The following CEACAM3 variants were observed in gnomAD, a reference collection of about 807,000 sequenced individuals.
The protein encoded by CEACAM3 is CEA cell adhesion molecule 3.
Under a neutral mutation model 30.1 loss-of-function variants are expected in CEACAM3, and 32 were observed. The ratio of observed to expected loss-of-function variants is 1.06; its 90% CI spans 0.80 to 1.43. The LOEUF is 1.43. CEACAM3 is among the 40% of genes most tolerant of loss of function. The probability of loss-of-function intolerance (pLI) is 0.00; values close to 1 mark genes in which losing one functional copy is unlikely to be tolerated. For synonymous variants in CEACAM3, 134 were observed against 127.2 expected (o/e 1.05, Z -0.36); for missense variants, 290 against 316.3 (o/e 0.92, Z 0.63).
intron 2 of CEACAM3, among the ~76,000 whole-genome samples, chr19:41,806,005 T>TGG (rs1828905029): frequency 1.6e-4 from 7 of 43,382 alleles, no homozygotes; most frequent in African/African-American, 2.8e-4. Context: ...GTTGTTGTTG[T>TGG]TTGTTGTTGT....
intron 1 of CEACAM3, chr19:41,797,351 G>A (rs557275540): frequency 5.6e-6 from 3 of 536,190 alleles, no homozygotes; most frequent in African/African-American, 1.9e-5. Flanking sequence ...ATGTGAGCAG[G>A]ATCTGAGGGC....
chr19:41,799,200 G>A (rs1188968903), intron 2 of CEACAM3, among the ~76,000 whole-genome samples: 4 of 152,182 alleles, frequency 2.6e-5, no homozygotes, highest in Admixed American at 2.6e-4. Flanking sequence ...CTGGTGGGAG[G>A]CGATTGGATC....
chr19:41,796,869 A>G, intron 1 of CEACAM3, 128 bp downstream of exon 1: 1 of 911,800 alleles, frequency 1.1e-6, no homozygotes, highest in South Asian at 1.7e-5. Flanking sequence ...AGAGAACATC[A>G]GAGAGGGACA....
At position 41,810,306 on chromosome 19, in the gene CEACAM3, C is replaced by T. The variant is rs782616839; in HGVS notation, c.596-17C>T. On this transcript the variant is annotated splice_polypyrimidine_tract_variant and intron_variant, in intron 4 of 6. Coordinates refer to ENST00000357396, the MANE Select transcript of CEACAM3 (RefSeq NM_001815.5). Reference sequence around the variant, plus strand: ...CTCTCCTCCCACCCTGCTGCTCACTCCTGTCTCTGTTTCCAGGCCGTGGTC... The same window carrying T: ...CTCTCCTCCCACCCTGCTGCTCACTTCTGTCTCTGTTTCCAGGCCGTGGTC... The T allele has an allele frequency of 1.2e-6, 2 of 1,602,860 alleles. No homozygotes were observed. The highest frequency in any genetic ancestry group is 1.7e-6 in the Non-Finnish European group (2 of 1,175,126).
At chr19:41,804,837 C>CTT (rs782813487) in intron 2 of CEACAM3, among the ~76,000 whole-genome samples, 2 of 145,416 alleles carry the variant, frequency 1.4e-5, no homozygotes, top group African/African-American at 5.0e-5. Flanking sequence ...CCCCAAATTT[C>CTT]TTTTTTTTTT....
chr19:41,808,296 G>T (rs1555827076), intron 2 of CEACAM3, among the ~76,000 whole-genome samples: 1 of 152,134 alleles, frequency 6.6e-6, no homozygotes, highest in Non-Finnish European at 1.5e-5. Context: ...ACTTACTGAG[G>T]TGCTTTAAGT....
intron 2 of CEACAM3, chr19:41,807,310 T>C (rs1555826925): frequency 1.7e-5 from 27 of 1,608,310 alleles, no homozygotes; most frequent in Non-Finnish European, 2.3e-5. Flanking sequence ...TCACAAGGAA[T>C]GACACAGGAC....
intron 3 of CEACAM3, 195 bp from the exon 4 acceptor site, chr19:41,809,770 G>C: frequency 1.6e-6 from 1 of 625,470 alleles, no homozygotes; most frequent in Admixed American, 2.5e-5. Flanking sequence ...CTTCCCCTCT[G>C]CTCAGGACAG....
Position 41,797,571 on chromosome 19 carries a change from A to T in CEACAM3, c.65-18A>T, listed in dbSNP as rs1555825353. 6.2e-7 allele frequency: 1 copy of T among 1,604,870 alleles called. No homozygotes were observed. The highest frequency in any genetic ancestry group is 1.3e-5 in the African/African-American group (1 of 74,682). On this transcript the variant is annotated intron_variant, in intron 1 of 6. Transcript: ENST00000357396. ...AATACATGGGTCCCAATATTGACTG[A>T]TGCTTTCTCCCTCCTAGCCTCACTT...
At chr19:41,809,781 A>G in intron 3 of CEACAM3, 184 bp from the exon 4 acceptor site, 2 of 660,102 alleles carry the variant, frequency 3.0e-6, no homozygotes, top group Non-Finnish European at 2.8e-6. Flanking sequence ...CTCAGGACAG[A>G]TGTGGGTTCC....
At chr19:41,809,874 G>C (rs782272969) in intron 3 of CEACAM3, 91 bp from the exon 4 acceptor site, 185 of 1,316,706 alleles carry the variant, frequency 1.4e-4, no homozygotes, top group Non-Finnish European at 1.7e-4. Flanking sequence ...GCCCATCCTT[G>C]AAAATGGGTT....
At position 41,797,726 on chromosome 19, in the gene CEACAM3, T is replaced by C. The variant is rs970166780; in HGVS notation, c.202T>C (p.Tyr68His). The change falls in exon 2 of 7, where the codon TAC (tyrosine) becomes CAC (histidine). Residue 68 changes from tyrosine to histidine, a missense_variant. Coordinates refer to ENST00000357396, the MANE Select transcript of CEACAM3 (RefSeq NM_001815.5). ...LPQHLFGYSW[Y>H]KGERVDGNSL... ...CCAGCATCTTTTTGGCTACAGCTGG[T>C]ACAAAGGGGAAAGAGTGGATGGCAA... 1.9e-6 allele frequency: 3 copies of C among 1,613,870 alleles called. No individual in the cohort carries two copies. Among genetic ancestry groups the C allele is most frequent in the Non-Finnish European group, 2.5e-6 (3 of 1,179,936 alleles).
At chr19:41,803,611 C>T (rs1321801058) in intron 2 of CEACAM3, among the ~76,000 whole-genome samples, 2 of 151,926 alleles carry the variant, frequency 1.3e-5, no homozygotes, top group Non-Finnish European at 2.9e-5. Flanking sequence ...GGACCACAGG[C>T]GCCCGCCACC....
At chr19:41,803,758 G>GCA (rs2073175985) in intron 2 of CEACAM3, among the ~76,000 whole-genome samples, 1 of 57,056 alleles carries the variant, frequency 1.8e-5, no homozygotes, top group Admixed American at 2.5e-4. Context: ...GAGCCACCAT[G>GCA]CCCGGCCTGA....
At chr19:41,799,189 C>A (rs1454256832) in intron 2 of CEACAM3, among the ~76,000 whole-genome samples, 3 of 152,130 alleles carry the variant, frequency 2.0e-5, no homozygotes, top group African/African-American at 7.2e-5. Flanking sequence ...GGAGGTGAGG[C>A]CTGGTGGGAG....
chr19:41,809,149 C>T (rs1438651680), intron 3 of CEACAM3: 1 of 464,452 alleles, frequency 2.2e-6, no homozygotes, highest in African/African-American at 2.0e-5. Context: ...ATTAAGGCCC[C>T]ACCCCTGAGT....
At position 41,811,412 on chromosome 19, in the gene CEACAM3, C is replaced by T; in HGVS notation, c.*175C>T. Reference sequence around the variant, plus strand: ...CCTGATGAATATCTGGAGACCTCGACAGCCTGCCCTAGGCCCTGGGTGGGT... The same window carrying T: ...CCTGATGAATATCTGGAGACCTCGATAGCCTGCCCTAGGCCCTGGGTGGGT... On this transcript the variant is annotated 3_prime_UTR_variant, in exon 7 of 7. Transcript: ENST00000357396. 1.6e-6 allele frequency: 1 copy of T among 620,288 alleles called. No individual in the cohort carries two copies. The highest frequency in any genetic ancestry group is 2.9e-6 in the Non-Finnish European group (1 of 348,426). The allele number at this position is 620,288 out of a possible 1,614,324, so 38.4% of individuals were successfully genotyped here.
chr19:41,807,204 G>A (rs1214778170), intron 2 of CEACAM3: 1 of 1,135,348 alleles, frequency 8.8e-7, no homozygotes, highest in East Asian at 3.0e-5. Flanking sequence ...GAGATTCACA[G>A]CACAACCTGC....
rs2008808 is a variant in CEACAM3, at chr19:41,811,262, T to G, written c.*25T>G. The G allele has an allele frequency of 0.6, 972,194 of 1,607,212 alleles. 298,166 individuals are homozygous for G. Among genetic ancestry groups the G allele is most frequent in the Middle Eastern group, 0.75 (4,013 of 5,370 alleles). On this transcript the variant is annotated 3_prime_UTR_variant, in exon 7 of 7. Transcript: ENST00000357396. ...GCTTCCTCCAGGAGCTGCTCCTGTG[T>G]GTTGATGGAGAGTCCCCAAGGCCCC... is the stretch of plus-strand genomic sequence containing the variant.
Sources: gnomAD v4.1 joint callset for allele counts (sites outside exome capture counted in the v4.1 genomes callset) on GRCh38, gnomAD v4.1.1 for gene constraint, MANE v1.5 for transcripts, NCBI Gene and HGNC (gene_info 2026-07-23, HGNC 2026-07-21) for gene names.